Variants in MYO10 observed in about 807,000 individuals in gnomAD.
MYO10 encodes myosin X.
Under a neutral mutation model 257.3 loss-of-function variants are expected in MYO10, and 133 were observed. That is an observed-to-expected ratio of 0.52 (90% CI 0.45 to 0.60). MYO10 has a LOEUF of 0.60. MYO10 is among the 20% of genes least tolerant of loss of function. The pLI is 0.00. For missense variants in MYO10, 2,399 were observed against 2,635.7 expected, an observed-to-expected ratio of 0.91 and a Z score of 1.97; for synonymous variants, 1,104 against 1,028.6, an observed-to-expected ratio of 1.07 and a Z score of -1.40.
intron 1 of MYO10, among the ~76,000 whole-genome samples, chr5:16,918,495 CTTTTCTTTTT>C (rs1485765819): frequency 5.7e-5 from 5 of 87,260 alleles, no homozygotes; most frequent in Non-Finnish European, 6.6e-5. Context: ...AACTATTTTT[CTTTTCTTTTT>C]TTTTTTTTTT....
chr5:16,896,951 GGAGA>G (rs1262772912), intron 1 of MYO10, among the ~76,000 whole-genome samples: 1 of 151,986 alleles, frequency 6.6e-6, no homozygotes, highest in Non-Finnish European at 1.5e-5. Context: ...AAGGGAGAAG[GGAGA>G]GAGAGAGAAG....
intron 18 of MYO10, 28 bp downstream of exon 18, chr5:16,758,090 T>C (rs375918821): frequency 4.0e-6 from 6 of 1,484,610 alleles, no homozygotes; most frequent in East Asian, 2.3e-5. Context: ...TAACGACGGA[T>C]TCCTCTAAGC....
At chr5:16,783,507 T>C (rs1370732571) in intron 4 of MYO10, 38 bp from the exon 5 acceptor site, 2 of 1,582,310 alleles carry the variant, frequency 1.3e-6, no homozygotes, top group African/African-American at 1.4e-5. Context: ...CTTCTAACTA[T>C]AATTTTTAAA....
intron 19 of MYO10, among the ~76,000 whole-genome samples, chr5:16,719,470 G>T (rs1033791707): frequency 6.6e-6 from 1 of 152,096 alleles, no homozygotes. Flanking sequence ...ATATAATAAC[G>T]ACTGCTTCTG....
At chr5:16,903,138 T>C (rs1414269135) in intron 1 of MYO10, among the ~76,000 whole-genome samples, 3 of 152,238 alleles carry the variant, frequency 2.0e-5, no homozygotes, top group Non-Finnish European at 4.4e-5. Flanking sequence ...CCAGGCGCGA[T>C]GGCTCACGCC....
At chr5:16,757,755 C>T (rs413617) in intron 18 of MYO10, among the ~76,000 whole-genome samples, 36,533 of 152,024 alleles carry the variant, frequency 0.24, 4,630 homozygotes, top group Non-Finnish European at 0.27. Context: ...ATCTTGATCT[C>T]CCAGGCTCAG....
rs36039787 is a variant in MYO10 at position 16,738,890 on chromosome 5, C to CA, written c.1929+15937dup. Among the ~76,000 whole-genome samples the CA allele has an allele frequency of 5.2e-3, 384 of 74,154 alleles. 4 individuals are homozygous for CA. The highest frequency in any genetic ancestry group is 0.014 in the South Asian group (31 of 2,154). The allele number at this position is 74,154 out of a possible 152,430, so 48.6% of individuals were successfully genotyped here. The stretch of plus-strand genomic sequence containing the variant: ...TGGGCAACAAAGGGAGACTCCATCT[C>CA]AAAAAAAAAAAAAAAAAAAAAGTAC... On this transcript the variant is annotated intron_variant, in intron 19 of 40. Coordinates refer to ENST00000513610, the MANE Select transcript of MYO10 (RefSeq NM_012334.3).
At chr5:16,924,994 C>T (rs1012788496) in intron 1 of MYO10, among the ~76,000 whole-genome samples, 2 of 152,040 alleles carry the variant, frequency 1.3e-5, no homozygotes, top group African/African-American at 4.8e-5. Context: ...CCACACCTGA[C>T]TAATTTTTTG....
At chr5:16,846,904 G>A (rs898509426) in intron 2 of MYO10, among the ~76,000 whole-genome samples, 1 of 150,744 alleles carries the variant, frequency 6.6e-6, no homozygotes, top group East Asian at 2.0e-4. Context: ...GATTACCTGA[G>A]GTCAGGAGTT....
At chr5:16,729,593 A>G (rs1739503084) in intron 19 of MYO10, among the ~76,000 whole-genome samples, 1 of 151,764 alleles carries the variant, frequency 6.6e-6, no homozygotes. Context: ...CTGGGACTAC[A>G]GGCACCACAC....
chr5:16,869,191 A>ATTTTTTTTTT (rs70943814), intron 2 of MYO10, among the ~76,000 whole-genome samples: 604 of 115,032 alleles, frequency 5.3e-3, no homozygotes, highest in Non-Finnish European at 6.3e-3. Context: ...CACCCGGCTA[A>ATTTTTTTTTT]TTTTTTTTTT....
chr5:16,917,315 G>A (rs1745849890), intron 1 of MYO10, among the ~76,000 whole-genome samples: 1 of 152,134 alleles, frequency 6.6e-6, no homozygotes, highest in Non-Finnish European at 1.5e-5. Flanking sequence ...GAAGATTCTT[G>A]TAAGTCAATC....
chr5:16,805,670 G>C (rs142198445), intron 3 of MYO10, among the ~76,000 whole-genome samples: 5 of 152,258 alleles, frequency 3.3e-5, no homozygotes, highest in African/African-American at 1.2e-4. Flanking sequence ...CCTCATGTTG[G>C]ATTTCAAATT....
chr5:16,893,852 G>T (rs1448002474), intron 1 of MYO10, among the ~76,000 whole-genome samples: 1 of 152,058 alleles, frequency 6.6e-6, no homozygotes, highest in Non-Finnish European at 1.5e-5. Flanking sequence ...TGCTGAAATT[G>T]GAGGGGACTC....
rs955801300 is a variant in MYO10 at position 16,935,963 on chromosome 5, C to T, written c.-155G>A. On this transcript the variant is annotated 5_prime_UTR_variant, in exon 1 of 41. Transcript: ENST00000513610. ...CTGCCATCGCCCGGTCCCTTCTTGT[C>T]CTTCTCACCTTTTGTTCGCCCAAAC... 85 of 856,074 alleles carry T rather than the reference C, an allele frequency of 9.9e-5. No homozygotes were observed. Among genetic ancestry groups the T allele is most frequent in the Non-Finnish European group, 1.5e-4 (81 of 543,816 alleles). The allele number at this position is 856,074 out of a possible 1,614,324, so 53.0% of individuals were successfully genotyped here.
intron 19 of MYO10, among the ~76,000 whole-genome samples, chr5:16,720,620 G>A (rs749981827): frequency 1.2e-4 from 18 of 152,004 alleles, no homozygotes; most frequent in Non-Finnish European, 1.9e-4. Context: ...CACCACACCC[G>A]GCTAATTTTT....
At chr5:16,720,891 AG>A (rs1435223620) in intron 19 of MYO10, among the ~76,000 whole-genome samples, 1 of 152,254 alleles carries the variant, frequency 6.6e-6, no homozygotes, top group Non-Finnish European at 1.5e-5. Flanking sequence ...CACTATCTTA[AG>A]AAACATAAAA....
chr5:16,796,710 C>A (rs1488781068), intron 3 of MYO10, among the ~76,000 whole-genome samples: 1 of 152,194 alleles, frequency 6.6e-6, no homozygotes, highest in African/African-American at 2.4e-5. Context: ...CACCAACCAA[C>A]TTTTACAAAG....
Position 16,763,765 on chromosome 5 carries a change from G to C in MYO10, c.1327-10C>G, listed in dbSNP as rs550925467. On this transcript the variant is annotated splice_polypyrimidine_tract_variant and intron_variant, in intron 12 of 40. Transcript: ENST00000513610. ...GTTCAAAGTGATTAACCTAAGGGGG[G>C]AAAGCATTCAATAAGTATCTTTAGT... 7 of 1,485,612 alleles carry C rather than the reference G, an allele frequency of 4.7e-6. No individual in the cohort carries two copies. In the Admixed American group the frequency reaches 1.2e-4, roughly 26 times the overall value. The allele number at this position is 1,485,612 out of a possible 1,614,324, so 92.0% of individuals were successfully genotyped here.
Sources: allele counts gnomAD v4.1 joint callset (sites outside exome capture counted in the v4.1 genomes callset), GRCh38; gene constraint gnomAD v4.1.1; transcripts MANE v1.5; gene names NCBI Gene and HGNC (gene_info 2026-07-23, HGNC 2026-07-21).